Variants in KCNB2 observed in about 807,000 individuals in gnomAD.
KCNB2 encodes potassium voltage-gated channel subfamily B member 2.
A neutral mutation model predicts 61.5 loss-of-function variants in KCNB2; 15 were observed. The observed-to-expected ratio is 0.24, with a 90% CI of 0.16 to 0.38. The LOEUF (loss-of-function observed/expected upper bound fraction) is 0.38. Ranked by LOEUF, KCNB2 falls within the 10% of genes least tolerant of loss-of-function variation. The pLI, the probability that KCNB2 is intolerant of heterozygous loss-of-function variation, is 1.00. For synonymous variants in KCNB2, 457 were observed against 446.0 expected (o/e 1.02, Z -0.31); for missense variants, 828 against 1,125.2 (o/e 0.74, Z 3.78).
Position 72,887,925 on chromosome 8 carries a change from C to A in KCNB2, c.580-48010C>A, listed in dbSNP as rs564338754. On this transcript the variant is annotated intron_variant, in intron 2 of 2. Transcript: ENST00000523207. ...TCCTCTTCAGCCTATTCCCTGGCTC[C>A]CCAAAGGGTGTTACTTGGAAGATAC... 3.9e-5 allele frequency among the ~76,000 whole-genome samples: 6 copies of A among 152,302 alleles called. No homozygotes were observed. The South Asian group carries it at 1.2e-3, about 32-fold the overall frequency.
chr8:72,910,891 C>A (rs929683621), intron 2 of KCNB2, among the ~76,000 whole-genome samples: 5 of 152,162 alleles, frequency 3.3e-5, no homozygotes, highest in Non-Finnish European at 7.3e-5. Flanking sequence ...AACAAAAAGA[C>A]CTTCAGGGTC....
At chr8:72,579,054 GC>G (rs766707673) in intron 2 of KCNB2, among the ~76,000 whole-genome samples, 3 of 152,106 alleles carry the variant, frequency 2.0e-5, no homozygotes, top group Non-Finnish European at 4.4e-5. Flanking sequence ...TTGCAGCACG[GC>G]CCAAATAAGG....
intron 2 of KCNB2, among the ~76,000 whole-genome samples, chr8:72,812,132 C>T (rs9650244): frequency 0.15 from 22,943 of 151,916 alleles, 1,995 homozygotes; most frequent in East Asian, 0.41. Context: ...CATAGCAGCT[C>T]GTGCCTGTAA....
chr8:72,688,540 G>A (rs7835644), intron 2 of KCNB2, among the ~76,000 whole-genome samples: 1,922 of 152,024 alleles, frequency 0.013, 32 homozygotes, highest in African/African-American at 0.045. Flanking sequence ...CTTAGTGTTT[G>A]TCTGTCTCCC....
intron 2 of KCNB2, among the ~76,000 whole-genome samples, chr8:72,599,605 TTAAAC>T (rs1166179048): frequency 6.6e-6 from 1 of 152,118 alleles, no homozygotes; most frequent in Non-Finnish European, 1.5e-5. Flanking sequence ...TGGGATCTAA[TTAAAC>T]TAAAGAGCTT....
intron 2 of KCNB2, among the ~76,000 whole-genome samples, chr8:72,886,164 C>A (rs1805803799): frequency 6.6e-6 from 1 of 152,044 alleles, no homozygotes; most frequent in Admixed American, 6.6e-5. Context: ...TCCTGTGTAC[C>A]TACTACTGTG....
intron 2 of KCNB2, among the ~76,000 whole-genome samples, chr8:72,602,313 C>A (rs944747544): frequency 2.0e-5 from 3 of 151,994 alleles, no homozygotes; most frequent in African/African-American, 7.2e-5. Context: ...GTCTTCATTC[C>A]TTTTTTTCAG....
chr8:72,837,676 T>C (rs902954532), intron 2 of KCNB2, among the ~76,000 whole-genome samples: 3 of 152,200 alleles, frequency 2.0e-5, no homozygotes, highest in African/African-American at 7.2e-5. Flanking sequence ...GTCAATAAAA[T>C]ATTGTTGAGC....
Position 72,681,597 on chromosome 8 carries a change from A to G in KCNB2, c.579+113284A>G, listed in dbSNP as rs183453839. On this transcript the variant is annotated intron_variant, in intron 2 of 2. Coordinates refer to ENST00000523207, the MANE Select transcript of KCNB2 (RefSeq NM_004770.3). Reference sequence around the variant, plus strand: ...ATAAACTTTTTAAATAAGTAGATGTACCCTCTATAAAATAAGAATAAAAAG... The same window carrying G: ...ATAAACTTTTTAAATAAGTAGATGTGCCCTCTATAAAATAAGAATAAAAAG... 8.5e-5 allele frequency among the ~76,000 whole-genome samples: 13 copies of G among 152,326 alleles called. No individual in the cohort carries two copies. In the East Asian group the frequency reaches 2.5e-3, roughly 29 times the overall value.
At chr8:72,764,961 A>G (rs1323785367) in intron 2 of KCNB2, among the ~76,000 whole-genome samples, 3 of 152,316 alleles carry the variant, frequency 2.0e-5, no homozygotes, top group South Asian at 4.1e-4. Context: ...CGAACTGGCT[A>G]TGACAAATAT....
At chr8:72,843,180 A>G (rs950864741) in intron 2 of KCNB2, among the ~76,000 whole-genome samples, 15 of 151,984 alleles carry the variant, frequency 9.9e-5, no homozygotes, top group African/African-American at 3.4e-4. Context: ...TTTCTGCCTT[A>G]ATTTCGTTAT....
chr8:72,756,306 C>T (rs1467614379), intron 2 of KCNB2, among the ~76,000 whole-genome samples: 1 of 152,192 alleles, frequency 6.6e-6, no homozygotes, highest in African/African-American at 2.4e-5. Flanking sequence ...CCTGTCCCAT[C>T]ACACTGCCCC....
At chr8:72,825,346 G>A (rs2129001445) in intron 2 of KCNB2, among the ~76,000 whole-genome samples, 1 of 152,280 alleles carries the variant, frequency 6.6e-6, no homozygotes, top group South Asian at 2.1e-4. Context: ...AAGTAATGCT[G>A]CTATGAACAT....
At chr8:72,628,606 C>T (rs1210719589) in intron 2 of KCNB2, among the ~76,000 whole-genome samples, 1 of 152,176 alleles carries the variant, frequency 6.6e-6, no homozygotes, top group African/African-American at 2.4e-5. Context: ...ATGATGCCCA[C>T]TTCATCCTTT....
chr8:72,724,526 G>T (rs993216466), intron 2 of KCNB2, among the ~76,000 whole-genome samples: 1 of 151,934 alleles, frequency 6.6e-6, no homozygotes, highest in Non-Finnish European at 1.5e-5. Context: ...TTTCTTTTCC[G>T]GCCATATCAT....
At chr8:72,896,480 T>C (rs547118971) in intron 2 of KCNB2, among the ~76,000 whole-genome samples, 1 of 152,236 alleles carries the variant, frequency 6.6e-6, no homozygotes, top group East Asian at 1.9e-4. Context: ...TTGAGCAAAG[T>C]CTCCTTTTCA....
At chr8:72,649,394 C>T (rs1806179790) in intron 2 of KCNB2, among the ~76,000 whole-genome samples, 1 of 152,048 alleles carries the variant, frequency 6.6e-6, no homozygotes, top group Non-Finnish European at 1.5e-5. Flanking sequence ...GGATTTCCCA[C>T]TGAGTATTCA....
intron 1 of KCNB2, among the ~76,000 whole-genome samples, chr8:72,541,248 ATTTAT>A (rs1806183942): frequency 6.6e-6 from 1 of 151,842 alleles, no homozygotes. Context: ...AAGTAATACT[ATTTAT>A]TTTATTGACG....
intron 2 of KCNB2, among the ~76,000 whole-genome samples, chr8:72,571,166 T>C (rs1275504585): frequency 6.6e-6 from 1 of 152,228 alleles, no homozygotes; most frequent in Non-Finnish European, 1.5e-5. Context: ...ATCTATTCTT[T>C]GATACGAAAT....
Sources: gnomAD v4.1 joint callset for allele counts (sites outside exome capture counted in the v4.1 genomes callset) on GRCh38, gnomAD v4.1.1 for gene constraint, MANE v1.5 for transcripts, NCBI Gene and HGNC (gene_info 2026-07-23, HGNC 2026-07-21) for gene names.